RTL4: variants seen among roughly 807,000 people sequenced by gnomAD.
RTL4 encodes retrotransposon Gag-like protein 4.
A neutral mutation model predicts 5.3 loss-of-function variants in RTL4; 4 were observed. The ratio of observed to expected loss-of-function variants is 0.75; its 90% confidence interval spans 0.37 to 1.72. The LOEUF is 1.72. RTL4 is among the 40% of genes most tolerant of loss of function. The pLI is 0.04. For synonymous variants in RTL4, 98 were observed against 87.3 expected (o/e 1.12, Z -0.68); for missense variants, 260 against 227.1 (o/e 1.14, Z -0.93).
At chrX:112,430,778 C>T in the RTL4 span, among the ~76,000 whole-genome samples, 1 of 111,172 alleles carries the variant, frequency 9.0e-6, no homozygotes, top group East Asian at 2.8e-4. Context: ...TTTTTTGTAG[C>T]GATGGAGTTT....
chrX:112,341,493 GC>G, the RTL4 span, among the ~76,000 whole-genome samples: 2 of 111,404 alleles, frequency 1.8e-5, no homozygotes, highest in Non-Finnish European at 3.8e-5. Flanking sequence ...GGATCAAATG[GC>G]CTTTTGGTGT....
chrX:112,329,281 AAGAG>A, the RTL4 span, among the ~76,000 whole-genome samples: 2 of 111,361 alleles, frequency 1.8e-5, no homozygotes, highest in Non-Finnish European at 1.9e-5. Context: ...TAAAGAAAAA[AAGAG>A]AGAAGAATCA....
chrX:112,148,749 A>G, the RTL4 span, among the ~76,000 whole-genome samples: 1 of 112,292 alleles, frequency 8.9e-6, no homozygotes, highest in Non-Finnish European at 1.9e-5. Flanking sequence ...CTTCTATAAA[A>G]TGAGAATAAT....
At chrX:112,323,950 G>GA in the RTL4 span, among the ~76,000 whole-genome samples, 551 of 112,155 alleles carry the variant, frequency 4.9e-3, 4 homozygotes, top group African/African-American at 0.016. Context: ...TAACATACCA[G>GA]AAAATTCACT....
the RTL4 span, among the ~76,000 whole-genome samples, chrX:112,357,865 C>T: frequency 9.0e-6 from 1 of 111,603 alleles, no homozygotes. Context: ...GTATGCTAAT[C>T]TCAGGTTCTC....
chrX:112,362,652 G>A, the RTL4 span, among the ~76,000 whole-genome samples: 3 of 110,724 alleles, frequency 2.7e-5, no homozygotes, highest in Non-Finnish European at 5.7e-5. Flanking sequence ...ATGGACAGGG[G>A]AAGCTTCTGT....
the RTL4 span, among the ~76,000 whole-genome samples, chrX:112,309,895 C>T: frequency 2.7e-4 from 28 of 102,316 alleles, no homozygotes; most frequent in South Asian, 9.0e-4. Context: ...CACACACACA[C>T]ATATATGTGT....
At chrX:112,288,755 G>A in the RTL4 span, among the ~76,000 whole-genome samples, 1 of 111,669 alleles carries the variant, frequency 9.0e-6, no homozygotes, top group African/African-American at 3.3e-5. Flanking sequence ...AATATTGCTG[G>A]TCATGATTGC....
chrX:112,352,272 C>T, the RTL4 span, among the ~76,000 whole-genome samples: 20 of 110,469 alleles, frequency 1.8e-4, no homozygotes, highest in South Asian at 6.5e-3. Flanking sequence ...TGTGGGTAAC[C>T]CGACCTTTCT....
the RTL4 span, among the ~76,000 whole-genome samples, chrX:112,133,141 G>T: frequency 2.0e-3 from 220 of 111,902 alleles, 3 homozygotes; most frequent in Non-Finnish European, 3.6e-3. Flanking sequence ...CCACTAATTT[G>T]CTGTGTTATT....
chrX:112,364,058 G>C, the RTL4 span, among the ~76,000 whole-genome samples: 1 of 112,245 alleles, frequency 8.9e-6, no homozygotes, highest in Non-Finnish European at 1.9e-5. Flanking sequence ...TATGTCATAG[G>C]GAGTCACTTA....
the RTL4 span, among the ~76,000 whole-genome samples, chrX:112,448,116 G>A: frequency 1.8e-5 from 2 of 111,917 alleles, no homozygotes; most frequent in Non-Finnish European, 3.8e-5. Context: ...AGCAGTAAGT[G>A]AACTGCACTT....
chrX:112,341,127 C>T, the RTL4 span, among the ~76,000 whole-genome samples: 40 of 96,272 alleles, frequency 4.2e-4, no homozygotes, highest in African/African-American at 7.4e-4. Context: ...ATTTAGAGGA[C>T]AGAAAAAAAT....
chrX:112,101,857 C>T, the RTL4 span, among the ~76,000 whole-genome samples: 5 of 109,974 alleles, frequency 4.5e-5, no homozygotes, highest in Non-Finnish European at 5.7e-5. Context: ...AGGAAGAAGC[C>T]CATGTGAAAA....
the RTL4 span, among the ~76,000 whole-genome samples, chrX:112,109,472 C>T: frequency 9.0e-6 from 1 of 111,537 alleles, no homozygotes; most frequent in Non-Finnish European, 1.9e-5. Context: ...TGTCCCCACC[C>T]ACCTCCTGCT....
At chrX:112,345,173 T>C in the RTL4 span, among the ~76,000 whole-genome samples, 1 of 111,320 alleles carries the variant, frequency 9.0e-6, no homozygotes, top group Non-Finnish European at 1.9e-5. Context: ...ACTTCCCTTA[T>C]GTCCGTTGTG....
At chrX:112,346,886 A>G in the RTL4 span, among the ~76,000 whole-genome samples, 1 of 111,742 alleles carries the variant, frequency 8.9e-6, no homozygotes, top group African/African-American at 3.3e-5. Context: ...CACCAATTTC[A>G]ATAGACATCT....
the RTL4 span, among the ~76,000 whole-genome samples, chrX:112,327,437 G>A: frequency 2.7e-4 from 30 of 110,657 alleles, no homozygotes; most frequent in African/African-American, 5.6e-4. Context: ...GAAATGAAGC[G>A]AGAAGGGAAG....
chrX:112,432,733 T>G, the RTL4 span, among the ~76,000 whole-genome samples: 4 of 102,283 alleles, frequency 3.9e-5, no homozygotes, highest in African/African-American at 1.4e-4. Flanking sequence ...CTCTTTAGTT[T>G]AATTAGATCC....
Sources: allele counts gnomAD v4.1 joint callset (sites outside exome capture counted in the v4.1 genomes callset), GRCh38; gene constraint gnomAD v4.1.1; transcripts MANE v1.5; gene names NCBI Gene and HGNC (gene_info 2026-07-23, HGNC 2026-07-21).